The following RYR2 variants were observed in gnomAD, a reference collection of about 807,000 sequenced individuals.
RYR2 encodes the protein ryanodine receptor 2, also known as cardiac muscle ryanodine receptor-calcium release channel.
RYR2 carries 227 observed loss-of-function variants against 601.1 expected under a neutral mutation model. The ratio of observed to expected loss-of-function variants is 0.38; its 90% CI spans 0.34 to 0.42. The LOEUF is 0.42. Ranked by LOEUF, RYR2 falls within the 10% of genes least tolerant of loss-of-function variation. The pLI is 1.00. For synonymous variants in RYR2, 2,223 were observed against 2,175.1 expected (o/e 1.02, Z -0.61); for missense variants, 4,646 against 6,156.5 (o/e 0.75, Z 8.21).
chr1:237,386,026 A>G (rs1054940028), intron 8 of RYR2, among the ~76,000 whole-genome samples: 10 of 152,246 alleles, frequency 6.6e-5, no homozygotes, highest in African/African-American at 2.2e-4. Context: ...AATTGAGTCA[A>G]TAAAGGAATC....
intron 93 of RYR2, 65 bp from the exon 94 acceptor site, chr1:237,792,040 G>C: frequency 8.5e-7 from 1 of 1,170,624 alleles, no homozygotes; most frequent in Admixed American, 2.0e-5. Flanking sequence ...TATTTCTTTT[G>C]TCTTTTGCTT....
intron 2 of RYR2, among the ~76,000 whole-genome samples, chr1:237,300,800 G>C (rs891138108): frequency 1.3e-5 from 2 of 152,248 alleles, no homozygotes; most frequent in Admixed American, 1.3e-4. Context: ...GTCCGAGTTT[G>C]CTAGGGGATT....
intron 8 of RYR2, among the ~76,000 whole-genome samples, chr1:237,385,539 T>A (rs1459626849): frequency 6.6e-6 from 1 of 152,214 alleles, no homozygotes; most frequent in African/African-American, 2.4e-5. Flanking sequence ...AGTGAACCCA[T>A]GATGAATTAA....
intron 46 of RYR2, among the ~76,000 whole-genome samples, chr1:237,639,831 C>A (rs1304670890): frequency 6.6e-6 from 1 of 152,056 alleles, no homozygotes; most frequent in African/African-American, 2.4e-5. Context: ...ACTGCTAGTG[C>A]CTCTGGTAAA....
intron 27 of RYR2, among the ~76,000 whole-genome samples, chr1:237,560,116 T>G (rs1434864932): frequency 6.6e-6 from 1 of 152,242 alleles, no homozygotes; most frequent in Non-Finnish European, 1.5e-5. Flanking sequence ...AGGTGTAAGC[T>G]TTCTCAGGTT....
At chr1:237,687,017 C>T (rs182393816) in intron 62 of RYR2, among the ~76,000 whole-genome samples, 4 of 152,192 alleles carry the variant, frequency 2.6e-5, no homozygotes, top group African/African-American at 7.2e-5. Context: ...AAGCACCATA[C>T]GTCTGTTGTA....
chr1:237,451,723 C>T (rs1658146661), intron 14 of RYR2, among the ~76,000 whole-genome samples: 1 of 151,984 alleles, frequency 6.6e-6, no homozygotes, highest in Non-Finnish European at 1.5e-5. Context: ...TTATCACATT[C>T]ATGAAAGCAC....
At chr1:237,655,651 G>A (rs1683171817) in intron 52 of RYR2, among the ~76,000 whole-genome samples, 170 bp from the exon 53 acceptor site, 1 of 152,122 alleles carries the variant, frequency 6.6e-6, no homozygotes, top group East Asian at 1.9e-4. Flanking sequence ...TTTTCTGTTT[G>A]ATGGGGTTTT....
At chr1:237,638,984 T>A in intron 45 of RYR2, 31 bp from the exon 46 acceptor site, 1 of 1,607,888 alleles carries the variant, frequency 6.2e-7, no homozygotes, top group East Asian at 2.2e-5. Flanking sequence ...ATAATCATAT[T>A]TGTTTACTTA....
chr1:237,172,676 G>A (rs1470767523), intron 1 of RYR2, among the ~76,000 whole-genome samples: 2 of 152,116 alleles, frequency 1.3e-5, no homozygotes, highest in Non-Finnish European at 2.9e-5. Flanking sequence ...TGGCAAAACC[G>A]GAGTTTTATT....
At chr1:237,261,330 TC>T (rs1688496379) in intron 1 of RYR2, among the ~76,000 whole-genome samples, 2 of 152,074 alleles carry the variant, frequency 1.3e-5, no homozygotes, top group African/African-American at 4.8e-5. Flanking sequence ...GCTGCCCATT[TC>T]CCCCAGTAAA....
At chr1:237,272,194 G>A (rs770398420) in intron 2 of RYR2, among the ~76,000 whole-genome samples, 18 of 152,114 alleles carry the variant, frequency 1.2e-4, no homozygotes, top group African/African-American at 9.7e-5. Context: ...GAGGTGAGAC[G>A]TTTCTGGAGT....
rs551140501 is a variant in RYR2, at chr1:237,436,454, C to CTTTTTTTTTT, written c.1006-4850_1006-4841dup. Among the ~76,000 whole-genome samples, 38 of 48,720 alleles carry CTTTTTTTTTT rather than the reference C, an allele frequency of 7.8e-4. 4 individuals carry two copies. The highest frequency in any genetic ancestry group is 1.5e-3 in the Admixed American group (6 of 3,942). The allele number at this position is 48,720 out of a possible 152,430, so 32.0% of individuals were successfully genotyped here. The stretch of plus-strand genomic sequence containing the variant: ...AGCCGAGGGATAATGTGTGATTTTC[C>CTTTTTTTTTT]TTTTTTTTTTTTTTTTTTTTTTTTG... On this transcript the variant is annotated intron_variant, in intron 12 of 104. Coordinates refer to ENST00000366574, the MANE Select transcript of RYR2 (RefSeq NM_001035.3).
chr1:237,519,806 TTCTG>T (rs1666916301), intron 24 of RYR2, among the ~76,000 whole-genome samples: 1 of 152,194 alleles, frequency 6.6e-6, no homozygotes, highest in African/African-American at 2.4e-5. Context: ...TTTTCCCTAA[TTCTG>T]TGAAAAATGA....
At chr1:237,728,412 A>G (rs1690380633) in intron 76 of RYR2, among the ~76,000 whole-genome samples, 1 of 152,100 alleles carries the variant, frequency 6.6e-6, no homozygotes, top group Non-Finnish European at 1.5e-5. Context: ...ATACCATTTA[A>G]CCCAGCAATC....
In RYR2 at chr1:237,830,359, T is replaced by C. The variant is rs1443133489; in HGVS notation, c.14656-171T>C. 32 of 519,064 alleles carry C rather than the reference T, an allele frequency of 6.2e-5. 1 individual carries two copies. The highest frequency in any genetic ancestry group is 4.6e-4 in the South Asian group (20 of 43,498). 32.2% of individuals were successfully genotyped at this position (519,064 alleles called of 1,614,324 possible). ...TGTCATTTAAGCCAACACCAAGATA[T>C]AGTTACAGCGACAGTTCCATTTATA... On this transcript the variant is annotated intron_variant, in intron 102 of 104. Transcript: ENST00000366574.
chr1:237,211,511 C>T (rs73121638), intron 1 of RYR2, among the ~76,000 whole-genome samples: 166 of 152,238 alleles, frequency 1.1e-3, no homozygotes, highest in African/African-American at 3.4e-3. Context: ...CCAGCTAGTA[C>T]GTGGTACAGC....
chr1:237,146,417 C>T (rs1174599789), intron 1 of RYR2, among the ~76,000 whole-genome samples: 1 of 152,088 alleles, frequency 6.6e-6, no homozygotes, highest in Non-Finnish European at 1.5e-5. Context: ...GAGAGGAATG[C>T]GTGGGAATGC....
At chr1:237,531,568 T>A (rs537072390) in intron 25 of RYR2, among the ~76,000 whole-genome samples, 1 of 152,302 alleles carries the variant, frequency 6.6e-6, no homozygotes, top group Admixed American at 6.5e-5. Context: ...TCAGGCCTCA[T>A]GTTACCCCAG....
Sources: gnomAD v4.1 joint callset for allele counts (sites outside exome capture counted in the v4.1 genomes callset) on GRCh38, gnomAD v4.1.1 for gene constraint, MANE v1.5 for transcripts, NCBI Gene and HGNC (gene_info 2026-07-23, HGNC 2026-07-21) for gene names.